SLC35F3: variants seen among roughly 807,000 people sequenced by gnomAD.
SLC35F3 encodes putative thiamine transporter SLC35F3.
In SLC35F3, 25 loss-of-function variants were observed where a neutral mutation model predicts 49.9. The observed-to-expected ratio is 0.50, with a 90% CI of 0.37 to 0.70. The LOEUF (loss-of-function observed/expected upper bound fraction) is 0.70, where lower values mean the gene tolerates loss of function less well. Among genes scored for constraint, SLC35F3 ranks in the 30% least tolerant of loss-of-function variants. SLC35F3 has a pLI of 0.00. For missense variants in SLC35F3, 525 were observed against 639.8 expected, an observed-to-expected ratio of 0.82 and a Z score of 1.94; for synonymous variants, 275 against 265.4, an observed-to-expected ratio of 1.04 and a Z score of -0.35.
At position 234,314,711 on chromosome 1, in the gene SLC35F3, G is replaced by A. The variant is rs1270522336; in HGVS notation, c.829-1891G>A. ...CTGGAGGCAGAGGTTGCAGTAAGCCGAGGTAGTGCCATTGCACTCCAACCT... is the reference window on the plus strand; with the variant it reads ...CTGGAGGCAGAGGTTGCAGTAAGCCAAGGTAGTGCCATTGCACTCCAACCT... On this transcript the variant is annotated intron_variant, in intron 4 of 7. Transcript: ENST00000366618. Among the ~76,000 whole-genome samples the A allele has an allele frequency of 3.3e-5, 5 of 152,198 alleles. No homozygotes were observed. The South Asian group carries it at 8.3e-4, about 25-fold the overall frequency.
chr1:234,071,737 C>T (rs550925022), intron 2 of SLC35F3, among the ~76,000 whole-genome samples: 3 of 152,336 alleles, frequency 2.0e-5, no homozygotes, highest in Admixed American at 6.5e-5. Context: ...CTAATTTCCA[C>T]CTACAAACCT....
chr1:234,217,187 A>G (rs1411750883), intron 2 of SLC35F3, among the ~76,000 whole-genome samples: 2 of 152,208 alleles, frequency 1.3e-5, no homozygotes, highest in Non-Finnish European at 2.9e-5. Context: ...AGAGTGTGTC[A>G]TCTAAGGGGA....
intron 2 of SLC35F3, among the ~76,000 whole-genome samples, chr1:234,037,349 C>G (rs1248254162): frequency 6.6e-6 from 1 of 152,152 alleles, no homozygotes; most frequent in African/African-American, 2.4e-5. Context: ...CTCACTGTCC[C>G]GAGAATGGCA....
At chr1:233,914,452 C>T (rs1477369123) in intron 2 of SLC35F3, among the ~76,000 whole-genome samples, 1 of 152,194 alleles carries the variant, frequency 6.6e-6, no homozygotes, top group African/African-American at 2.4e-5. Flanking sequence ...TGAGACACCA[C>T]TGTTGCAAAG....
chr1:234,246,146 A>G (rs1266736910), intron 3 of SLC35F3, among the ~76,000 whole-genome samples: 1 of 152,174 alleles, frequency 6.6e-6, no homozygotes, highest in Non-Finnish European at 1.5e-5. Context: ...TCTGTTAGGA[A>G]GATGTGTTAC....
chr1:233,990,362 T>G (rs141189028), intron 2 of SLC35F3, among the ~76,000 whole-genome samples: 1 of 152,350 alleles, frequency 6.6e-6, no homozygotes, highest in East Asian at 1.9e-4. Flanking sequence ...ACCTTGATTC[T>G]AAGCTCAGCT....
At chr1:234,066,121 TAGGAATTCCA>T (rs999777459) in intron 2 of SLC35F3, among the ~76,000 whole-genome samples, 2 of 152,322 alleles carry the variant, frequency 1.3e-5, no homozygotes, top group African/African-American at 4.8e-5. Flanking sequence ...ATTATTATAT[TAGGAATTCCA>T]AGGAATTCCA....
At chr1:234,215,109 C>G (rs1213562205) in intron 2 of SLC35F3, 2 of 152,930 alleles carry the variant, frequency 1.3e-5, no homozygotes, top group African/African-American at 4.8e-5. Flanking sequence ...CAACTGACTG[C>G]CCTGCTCTTT....
intron 2 of SLC35F3, among the ~76,000 whole-genome samples, chr1:234,041,880 A>G (rs1664226979): frequency 6.6e-6 from 1 of 152,176 alleles, no homozygotes; most frequent in South Asian, 2.1e-4. Flanking sequence ...AGTTCAAATC[A>G]GAAATCATTT....
chr1:234,141,462 A>G (rs1665912641), intron 2 of SLC35F3, among the ~76,000 whole-genome samples: 1 of 152,202 alleles, frequency 6.6e-6, no homozygotes, highest in Non-Finnish European at 1.5e-5. Context: ...GAGTTTGGAT[A>G]TATACATACA....
At chr1:234,281,635 A>G (rs1366579994) in intron 3 of SLC35F3, among the ~76,000 whole-genome samples, 1 of 152,214 alleles carries the variant, frequency 6.6e-6, no homozygotes, top group Non-Finnish European at 1.5e-5. Flanking sequence ...GACATACATC[A>G]TGGGATAAAT....
intron 3 of SLC35F3, among the ~76,000 whole-genome samples, chr1:234,299,981 C>T (rs1181651718): frequency 1.3e-5 from 2 of 151,834 alleles, no homozygotes; most frequent in Admixed American, 6.6e-5. Flanking sequence ...TGAAAATAAT[C>T]TGGAAATTTT....
At chr1:233,942,691 A>C (rs1306844143) in intron 2 of SLC35F3, among the ~76,000 whole-genome samples, 1 of 152,220 alleles carries the variant, frequency 6.6e-6, no homozygotes, top group Non-Finnish European at 1.5e-5. Context: ...AGGACTACAG[A>C]CATGAGCCGC....
chr1:234,147,230 C>CTTTT (rs201359916), intron 2 of SLC35F3, among the ~76,000 whole-genome samples: 1 of 125,092 alleles, frequency 8.0e-6, no homozygotes, highest in Non-Finnish European at 1.7e-5. Context: ...TTTCTATTTT[C>CTTTT]TTTTTTTTTT....
intron 2 of SLC35F3, among the ~76,000 whole-genome samples, chr1:234,110,912 A>G (rs1665396298): frequency 6.6e-6 from 1 of 152,214 alleles, no homozygotes; most frequent in Non-Finnish European, 1.5e-5. Context: ...CACATTATGG[A>G]ATTGTGTAGC....
chr1:234,163,921 G>A (rs2102914800), intron 2 of SLC35F3, among the ~76,000 whole-genome samples: 1 of 151,974 alleles, frequency 6.6e-6, no homozygotes, highest in African/African-American at 2.4e-5. Flanking sequence ...TTCAGTAACT[G>A]TCAGATTTCT....
rs1366291930 is a variant in SLC35F3, at chr1:234,323,047, T to C, written c.1277T>C (p.Val426Ala). 1 of 1,613,962 alleles carries C rather than the reference T, an allele frequency of 6.2e-7. No individual in the cohort carries two copies. The highest frequency in any genetic ancestry group is 1.1e-5 in the South Asian group (1 of 91,066). ...ACCAGTCAGATCGTCTTCAATGGGG[T>C]CCGGGTCATCGCCATCATCATCATC... ...HYTSQIVFNGVRVIAIIIIGL... is the reference protein window; with the variant it reads ...HYTSQIVFNGARVIAIIIIGL... Residue 426 changes from valine to alanine, a missense_variant, in exon 8 of 8, where the codon GTC becomes GCC. Val to Ala is a moderately conservative substitution (Grantham distance 64). Transcript: ENST00000366618. The surrounding 1 kb of genome is among the most constrained non-coding windows in gnomAD (Gnocchi z 4.5).
At chr1:234,083,591 G>C (rs1228876416) in intron 2 of SLC35F3, among the ~76,000 whole-genome samples, 1 of 152,164 alleles carries the variant, frequency 6.6e-6, no homozygotes, top group Non-Finnish European at 1.5e-5. Flanking sequence ...CTTCATTCCA[G>C]AGTGCTTATG....
intron 2 of SLC35F3, among the ~76,000 whole-genome samples, chr1:234,148,193 A>G (rs976926460): frequency 6.6e-6 from 1 of 152,166 alleles, no homozygotes; most frequent in Non-Finnish European, 1.5e-5. Flanking sequence ...TCTGCCTAAG[A>G]CATGAAGCGA....
Sources: allele counts gnomAD v4.1 joint callset (sites outside exome capture counted in the v4.1 genomes callset), GRCh38; gene constraint gnomAD v4.1.1; non-coding constraint Gnocchi (gnomAD v3.1); transcripts MANE v1.5; gene names NCBI Gene and HGNC (gene_info 2026-07-23, HGNC 2026-07-21).